MKI67: variants seen among roughly 807,000 people sequenced by gnomAD.
MKI67 encodes proliferation marker protein Ki-67.
In MKI67, 152 loss-of-function variants were observed where a neutral mutation model predicts 233.5. That is an observed-to-expected ratio of 0.65 (90% CI 0.57 to 0.74). The LOEUF (loss-of-function observed/expected upper bound fraction) is 0.74. Ranked by LOEUF, MKI67 falls within the 30% of genes least tolerant of loss-of-function variation. The pLI is 0.00. For missense variants in MKI67, 3,940 were observed against 3,885.2 expected (o/e 1.01, Z -0.37); for synonymous variants, 1,465 against 1,418.5 (o/e 1.03, Z -0.74).
rs1319424408 is a variant in MKI67 at position 128,126,330 on chromosome 10, C to T, written c.-321G>A. On this transcript the variant is annotated 5_prime_UTR_variant, in exon 1 of 15. Transcript: ENST00000368654. ...GACGGGGACCCGGTGGCCCTACAGGCTACGTCCCCGGGCGCCCGGCTCTAG... is the reference window on the plus strand; with the variant it reads ...GACGGGGACCCGGTGGCCCTACAGGTTACGTCCCCGGGCGCCCGGCTCTAG... 3.3e-5 allele frequency: 5 copies of T among 152,566 alleles called. No homozygotes were observed. Among genetic ancestry groups the T allele is most frequent in the African/African-American group, 1.2e-4 (5 of 41,450 alleles). The allele number at this position is 152,566 out of a possible 1,614,324, so 9.5% of individuals were successfully genotyped here. A position where few individuals can be genotyped will look rare whatever the true frequency, so the allele number is the denominator to read the frequency against.
chr10:128,125,440 A>T lies in MKI67; in HGVS notation c.92+136T>A. The stretch of plus-strand genomic sequence containing the variant: ...CAAAAAAACACAACTATGTCAACTT[A>T]GTAACGAATGGGAGAAGCACCAAGG... On this transcript the variant is annotated intron_variant, in intron 2 of 14. Transcript: ENST00000368654. The surrounding 1 kb of genome is among the most constrained non-coding windows in gnomAD (Gnocchi z 5.3). The T allele has an allele frequency of 1.4e-6, 1 of 728,094 alleles. No individual in the cohort carries two copies. The highest frequency in any genetic ancestry group is 2.4e-6 in the Non-Finnish European group (1 of 408,694). The allele number at this position is 728,094 out of a possible 1,614,324, so 45.1% of individuals were successfully genotyped here. A position where few individuals can be genotyped will look rare whatever the true frequency, so the allele number is the denominator to read the frequency against.
chr10:128,112,219 C>T lies in MKI67; in HGVS notation c.1883G>A (p.Arg628Lys), dbSNP rs376658693. ...ATGTTGACTTCGGCTGATAGACACTCTCTTTGAAGGCAGGTTGCCACTCTT... is the reference window on the plus strand; with the variant it reads ...ATGTTGACTTCGGCTGATAGACACTTTCTTTGAAGGCAGGTTGCCACTCTT... ...GRKSGNLPSK[R>K]VSISRSQHDI... Residue 628 changes from arginine (R) to lysine (K), a missense_variant, in exon 9 of 15, where the codon AGA (arginine) becomes AAA (lysine). Arg to Lys is a conservative substitution (Grantham distance 26, BLOSUM62 2). Coordinates refer to ENST00000368654, the MANE Select transcript of MKI67 (RefSeq NM_002417.5). The T allele has an allele frequency of 1.2e-6, 2 of 1,614,164 alleles. No homozygotes were observed. The highest frequency in any genetic ancestry group is 1.7e-6 in the Non-Finnish European group (2 of 1,180,018).
In MKI67 at chr10:128,106,689, G is replaced by C. The variant is rs1372032122; in HGVS notation, c.5151C>G (p.Phe1717Leu). Residue 1717 changes from phenylalanine (F) to leucine (L), a missense_variant, in exon 13 of 15, where the codon TTC (phenylalanine) becomes TTG (leucine). Physicochemically the swap from Phe to Leu is conservative, Grantham distance 22. Transcript: ENST00000368654. ...ATTCCTTAGTGTGACTTGGTGTCTG[G>C]AAGAGCTCGATGAAGCCGGCCAGGT... ...PEDLAGFIEL[F>L]QTPSHTKESM... 7 of 1,614,172 alleles carry C rather than the reference G, an allele frequency of 4.3e-6. No individual in the cohort carries two copies. The highest frequency in any genetic ancestry group is 5.9e-6 in the Non-Finnish European group (7 of 1,180,040).
Position 128,113,587 on chromosome 10 carries a change from A to T in MKI67, c.1496T>A (p.Ile499Lys), listed in dbSNP as rs936368632. The T allele has an allele frequency of 1.2e-6, 2 of 1,614,008 alleles. No homozygotes were observed. Among genetic ancestry groups the T allele is most frequent in the African/African-American group, 2.7e-5 (2 of 74,928 alleles). The change falls in exon 8 of 15, where the codon ATA (isoleucine) becomes AAA (lysine). Residue 499 changes from isoleucine to lysine, a missense_variant. By Grantham distance (102) the Ile-to-Lys change is moderately radical. Transcript: ENST00000368654. ...GGACACACGCCTTCTTTTCAAAGGT[A>T]TTCCCTCACTCTCATCTAAAGTAAC... ...FGDSINESEGIPLKRRRVSFG... is the reference protein window; with the variant it reads ...FGDSINESEGKPLKRRRVSFG...
chr10:128,109,344 C>G lies in MKI67; in HGVS notation c.2496G>C (p.Arg832=). Residue 832 remains arginine (R), a synonymous_variant, in exon 13 of 15, where the codon CGG becomes CGC. Transcript: ENST00000368654. ...CGTTTCCATTTTCTCTAATACACTG[C>G]CGTCTTAAGGGAGGGCTTGCAGAGC... The part of the protein sequence containing the change: ...DKCSASPPLR[R]QCIRENGNVA... 1 of 1,614,164 alleles carries G rather than the reference C, an allele frequency of 6.2e-7. No homozygotes were observed. The highest frequency in any genetic ancestry group is 1.1e-5 in the South Asian group (1 of 91,086).
chr10:128,116,159 CTTATGATACTAGTA>C (rs1206650709), intron 6 of MKI67, 152 bp from the exon 7 acceptor site: 1 of 805,714 alleles, frequency 1.2e-6, no homozygotes, highest in African/African-American at 1.7e-5. Context: ...ACTTGCAAGT[CTTATGATACTAGTA>C]TTATGATACA....
At chr10:128,110,275 G>T in intron 12 of MKI67, 103 bp downstream of exon 12, 2 of 929,364 alleles carry the variant, frequency 2.2e-6, no homozygotes, top group South Asian at 3.0e-5. Context: ...TTTTGTGCCA[G>T]GAACATTTGT....
At chr10:128,111,294 C>A (rs1852669082) in intron 11 of MKI67, among the ~76,000 whole-genome samples, 2 of 152,174 alleles carry the variant, frequency 1.3e-5, no homozygotes, top group South Asian at 4.1e-4. Flanking sequence ...ACAACTGGCC[C>A]ACACCTGGGA....
chr10:128,119,440 C>T (rs1321054078), intron 4 of MKI67, 121 bp from the exon 5 acceptor site: 3 of 627,898 alleles, frequency 4.8e-6, no homozygotes, highest in South Asian at 1.9e-5. Flanking sequence ...CAAGACATCA[C>T]CTTATACAAA....
At position 128,103,277 on chromosome 10, in the gene MKI67, G is replaced by T. The variant is rs745644449; in HGVS notation, c.8563C>A (p.Leu2855Met). 6.2e-7 allele frequency: 1 copy of T among 1,614,078 alleles called. No individual in the cohort carries two copies. The highest frequency in any genetic ancestry group is 1.1e-5 in the South Asian group (1 of 91,084). The change falls in exon 13 of 15, where the codon CTG becomes ATG. Residue 2855 changes from leucine to methionine, a missense_variant. Transcript: ENST00000368654. The stretch of plus-strand genomic sequence containing the variant: ...TGTGTGAGCTTGCCAACTGCTAACA[G>T]CTCCTCCTTCACTTCTACTTTCTGG... ...RAQKVEVKEE[L>M]LAVGKLTQTS...
chr10:128,102,595 G>A lies in MKI67; in HGVS notation c.9245C>T (p.Ser3082Leu), dbSNP rs145121731. The change falls in exon 13 of 15, where the codon TCG becomes TTG. Residue 3082 changes from serine (S) to leucine (L), a missense_variant. Physicochemically the swap from Ser to Leu is moderately radical, Grantham distance 145. Coordinates refer to ENST00000368654, the MANE Select transcript of MKI67 (RefSeq NM_002417.5). ...TCCTCTCACCTTATTTTCAGGGACC[G>A]AGTCTTGTAATTTGTGTTCCTCTTT... Reference protein sequence around the residue: ...TNKEEHKLQDSVPENKGISLR... With the variant: ...TNKEEHKLQDLVPENKGISLR... 4.8e-4 allele frequency: 782 copies of A among 1,613,474 alleles called. 10 individuals are homozygous for A. The East Asian group carries it at 0.015, about 30-fold the overall frequency.
chr10:128,106,849 G>T lies in MKI67; in HGVS notation c.4991C>A (p.Thr1664Lys). ...GCTCTTACCATCTCCTGTTGGCTCTGTGTGTGTGTGTGTAGTCTCTCCTGA... is the reference window on the plus strand; with the variant it reads ...GCTCTTACCATCTCCTGTTGGCTCTTTGTGTGTGTGTGTAGTCTCTCCTGA... ...QTSGETTHTH[T>K]EPTGDGKSMK... is the part of the protein sequence containing the mutation. Residue 1664 changes from threonine to lysine, a missense_variant, in exon 13 of 15, where the codon ACA becomes AAA. Coordinates refer to ENST00000368654, the MANE Select transcript of MKI67 (RefSeq NM_002417.5). 1 of 1,468,110 alleles carries T rather than the reference G, an allele frequency of 6.8e-7. No homozygotes were observed. The highest frequency in any genetic ancestry group is 1.2e-5 in the South Asian group (1 of 82,768). The allele number at this position is 1,468,110 out of a possible 1,614,324, so 90.9% of individuals were successfully genotyped here.
rs1318164313 is a variant in MKI67 at position 128,113,652 on chromosome 10, G to A, written c.1481-50C>T. 2.0e-6 allele frequency: 3 copies of A among 1,537,966 alleles called. No individual in the cohort carries two copies. The South Asian group carries it at 3.4e-5, about 17-fold the overall frequency. On this transcript the variant is annotated intron_variant, in intron 7 of 14. Transcript: ENST00000368654. ...AAAGAGCAATGAAAAAACATACCAA[G>A]ACTAGTGATTTATTTCACGTTAGCA...
intron 7 of MKI67, among the ~76,000 whole-genome samples, chr10:128,114,085 A>G (rs1484027522): frequency 6.6e-6 from 1 of 152,164 alleles, no homozygotes; most frequent in East Asian, 1.9e-4. Context: ...TCCCTTGCCT[A>G]AGTGATGCTT....
Position 128,103,764 on chromosome 10 carries a change from A to T in MKI67, c.8076T>A (p.Thr2692=), listed in dbSNP as rs1433728036. 29 of 1,612,390 alleles carry T rather than the reference A, an allele frequency of 1.8e-5. No homozygotes were observed. The East Asian group carries it at 6.3e-4, about 35-fold the overall frequency. The change falls in exon 13 of 15, where the codon ACT becomes ACA. Residue 2692 remains threonine, a synonymous_variant. Transcript: ENST00000368654. ...FTELSETSGH[T]QESLTAGKAT... is the part of the protein sequence containing the mutation. Reference sequence around the variant, plus strand: ...CTTTGCCAGCAGTCAGTGATTCCTGAGTGTGACCTGATGTTTCAGAGAGCT... The same window carrying T: ...CTTTGCCAGCAGTCAGTGATTCCTGTGTGTGACCTGATGTTTCAGAGAGCT...
intron 5 of MKI67, 85 bp downstream of exon 5, chr10:128,119,168 T>C (rs1852872689): frequency 2.0e-6 from 2 of 1,023,308 alleles, no homozygotes; most frequent in East Asian, 2.4e-5. Flanking sequence ...TTGTAACTGA[T>C]TTCAAGTAAG....
In MKI67 at chr10:128,096,725, C is replaced by T. The variant is rs1482700550; in HGVS notation, c.*2465G>A. On this transcript the variant is annotated 3_prime_UTR_variant, in exon 15 of 15. Transcript: ENST00000368654. ...GTGGCTGGTCACTGGGATAGAGTAACCAGGAAATGCAGTCGGCCCTCATGA... is the reference window on the plus strand; with the variant it reads ...GTGGCTGGTCACTGGGATAGAGTAATCAGGAAATGCAGTCGGCCCTCATGA... 1 of 152,212 alleles carries T rather than the reference C, an allele frequency of 6.6e-6. No individual in the cohort carries two copies. Among genetic ancestry groups the T allele is most frequent in the African/African-American group, 2.4e-5 (1 of 41,436 alleles). The allele number at this position is 152,212 out of a possible 1,614,324, so 9.4% of individuals were successfully genotyped here.
rs748388490 is a variant in MKI67 at position 128,106,918 on chromosome 10, C to G, written c.4922G>C (p.Gly1641Ala). 2 of 1,613,680 alleles carry G rather than the reference C, an allele frequency of 1.2e-6. No homozygotes were observed. The highest frequency in any genetic ancestry group is 1.7e-6 in the Non-Finnish European group (2 of 1,179,920). The change falls in exon 13 of 15, where the codon GGC becomes GCC. Residue 1641 changes from glycine to alanine, a missense_variant. By Grantham distance (60) the Gly-to-Ala change is moderately conservative. Coordinates refer to ENST00000368654, the MANE Select transcript of MKI67 (RefSeq NM_002417.5). ...RRLKTSLGKV[G>A]VKEELLAVGK... Reference sequence around the variant, plus strand: ...AACTGCTAGGAGCTCTTCTTTCACGCCCACTTTCCCCAGGGATGTCTTGAG... The same window carrying G: ...AACTGCTAGGAGCTCTTCTTTCACGGCCACTTTCCCCAGGGATGTCTTGAG...
rs766726258 is a variant in MKI67, at chr10:128,108,684, C to T, written c.3156G>A (p.Thr1052=). 38 of 1,614,068 alleles carry T rather than the reference C, an allele frequency of 2.4e-5. No individual in the cohort carries two copies. The highest frequency in any genetic ancestry group is 1.6e-4 in the Middle Eastern group (1 of 6,084). The change falls in exon 13 of 15, where the codon ACG becomes ACA. Residue 1052 remains threonine (T), a synonymous_variant. Transcript: ENST00000368654. ...GKFTRTSGET[T]HTHREPAGDG... is the part of the protein sequence containing the mutation. ...CTCCTGCTGGCTCTCTGTGCGTGTG[C>T]GTGGTCTCCCCTGACGTCCGTGTGA...
Sources: gnomAD v4.1 joint callset for allele counts (sites outside exome capture counted in the v4.1 genomes callset) on GRCh38, gnomAD v4.1.1 for gene constraint, Gnocchi (gnomAD v3.1) non-coding constraint, MANE v1.5 for transcripts, NCBI Gene and HGNC (gene_info 2026-07-23, HGNC 2026-07-21) for gene names.